The following GSN variants were observed in gnomAD, a reference collection of about 807,000 sequenced individuals.
The protein encoded by GSN is actin-depolymerizing factor.
In GSN, 56 loss-of-function variants were observed where a neutral mutation model predicts 85.7. The ratio of observed to expected loss-of-function variants is 0.65; its 90% confidence interval spans 0.53 to 0.82. The LOEUF is 0.82. GSN is among the 40% of genes least tolerant of loss of function. GSN has a pLI of 0.00. For synonymous variants in GSN, 373 were observed against 399.1 expected (o/e 0.93, Z 0.78); for missense variants, 857 against 979.8 (o/e 0.87, Z 1.67).
rs2054649830 is a variant in GSN, at chr9:121,243,774, C to T, written c.-388-4502C>T. On this transcript the variant is annotated intron_variant, in intron 5 of 24. Transcript: ENST00000373823. ...TGTATTTTTAGAAGAAACAGGGTTTCACCAGGTTGGCCGGGCTGGTCTTGA... is the reference window on the plus strand; with the variant it reads ...TGTATTTTTAGAAGAAACAGGGTTTTACCAGGTTGGCCGGGCTGGTCTTGA... Among the ~76,000 whole-genome samples the T allele has an allele frequency of 3.9e-5, 6 of 152,256 alleles. 1 individual carries two copies. The South Asian group carries it at 1.2e-3, about 32-fold the overall frequency.
intron 4 of GSN, among the ~76,000 whole-genome samples, chr9:121,216,929 T>G (rs929914935): frequency 4.6e-5 from 7 of 152,254 alleles, no homozygotes; most frequent in African/African-American, 1.7e-4. Flanking sequence ...ACTGTCTTCT[T>G]CCTGTGTCTT....
chr9:121,266,244 T>G (rs1246257175), upstream of GSN, among the ~76,000 whole-genome samples: 1 of 152,242 alleles, frequency 6.6e-6, no homozygotes, highest in Admixed American at 6.5e-5. Flanking sequence ...TTCTCCAATG[T>G]TTCCTCCATC....
chr9:121,287,972 G>C (rs138742467), intron 2 of GSN, among the ~76,000 whole-genome samples: 1 of 152,006 alleles, frequency 6.6e-6, no homozygotes, highest in African/African-American at 2.4e-5. Context: ...TGTCACCCAG[G>C]CTGGAGTGCA....
Position 121,261,056 on chromosome 9 carries a change from G to T in GSN, c.-340-4098G>T, listed in dbSNP as rs770012936. 2.0e-5 allele frequency among the ~76,000 whole-genome samples: 3 copies of T among 152,206 alleles called. No individual in the cohort carries two copies. Among genetic ancestry groups the T allele is most frequent in the Non-Finnish European group, 4.4e-5 (3 of 68,026 alleles). ...AACTCCAAGAAACAGCACAACATTT[G>T]AAAAGCCCATTGTTCGGTGTTGTGA... On this transcript the variant is annotated intron_variant, in intron 6 of 24. Transcript: ENST00000373823. This position sits in a 1 kb window ranked among gnomAD's most constrained non-coding sequence, Gnocchi z 4.1.
intron 13 of GSN, 149 bp from the exon 14 acceptor site, chr9:121,327,159 G>A (rs1480482032): frequency 2.5e-6 from 2 of 784,726 alleles, no homozygotes; most frequent in Non-Finnish European, 4.7e-6. Context: ...GGCCATCAGG[G>A]TCCAAAGTCT....
intron 17 of GSN, 101 bp downstream of exon 17, chr9:121,331,549 G>A: frequency 1.4e-6 from 1 of 732,590 alleles, no homozygotes; most frequent in South Asian, 1.5e-5. Context: ...CTTTCCAGGG[G>A]ACTGATGGAC....
intron 1 of GSN, among the ~76,000 whole-genome samples, chr9:121,208,506 A>C (rs2053919530): frequency 6.6e-6 from 1 of 152,234 alleles, no homozygotes; most frequent in South Asian, 2.1e-4. Context: ...GCTTGAAGGC[A>C]GCAAGATGTA....
At chr9:121,230,116 G>A (rs2054358272) in intron 4 of GSN, among the ~76,000 whole-genome samples, 1 of 152,202 alleles carries the variant, frequency 6.6e-6, no homozygotes, top group South Asian at 2.1e-4. Flanking sequence ...TGTTTGTCCA[G>A]TGTGAGCTGC....
Position 121,310,637 on chromosome 9 carries a change from C to G in GSN, c.352-47C>G, listed in dbSNP as rs931566739. On this transcript the variant is annotated intron_variant, in intron 4 of 17. Coordinates refer to ENST00000432226, the MANE Select transcript of GSN (RefSeq NM_198252.3). Reference sequence around the variant, plus strand: ...CTGTCCCCTTCTTCCATATCTGCTTCCCTGGGCCTTCTCCCCTGGGCTAAT... The same window carrying G: ...CTGTCCCCTTCTTCCATATCTGCTTGCCTGGGCCTTCTCCCCTGGGCTAAT... 2.5e-6 allele frequency: 4 copies of G among 1,596,340 alleles called. No homozygotes were observed. In the African/African-American group the frequency reaches 5.4e-5, roughly 21 times the overall value.
intron 4 of GSN, among the ~76,000 whole-genome samples, chr9:121,221,015 A>G (rs1012407949): frequency 3.3e-5 from 5 of 152,190 alleles, no homozygotes; most frequent in African/African-American, 1.2e-4. Flanking sequence ...AGGCTTGGGA[A>G]CAGTGTACGT....
In GSN at chr9:121,318,948, C is replaced by T; in HGVS notation, c.1191+68C>T. 1 of 1,259,288 alleles carries T rather than the reference C, an allele frequency of 7.9e-7. No homozygotes were observed. The allele number at this position is 1,259,288 out of a possible 1,614,324, so 78.0% of individuals were successfully genotyped here. A position where few individuals can be genotyped will look rare whatever the true frequency, so the allele number is the denominator to read the frequency against. ...CACTTTCCCCATGCACTGCCTCTTG[C>T]TTCCCCAAGGAGGTTTCTCTCTGAG... On this transcript the variant is annotated intron_variant, in intron 10 of 17. Coordinates refer to ENST00000432226, the MANE Select transcript of GSN (RefSeq NM_198252.3). This position sits in a 1 kb window ranked among gnomAD's most constrained non-coding sequence, Gnocchi z 4.3.
At chr9:121,228,722 G>T (rs1409721319) in intron 4 of GSN, among the ~76,000 whole-genome samples, 1 of 151,974 alleles carries the variant, frequency 6.6e-6, no homozygotes, top group Non-Finnish European at 1.5e-5. Flanking sequence ...ACTGTGCCCG[G>T]CCCTTAGCCC....
intron 2 of GSN, among the ~76,000 whole-genome samples, chr9:121,297,615 C>T (rs2059342256): frequency 6.6e-6 from 1 of 152,144 alleles, no homozygotes; most frequent in Non-Finnish European, 1.5e-5. Context: ...TATACTATAG[C>T]CATTGTTGTG....
intron 3 of GSN, among the ~76,000 whole-genome samples, chr9:121,302,434 A>T (rs2059984800): frequency 2.0e-5 from 3 of 152,110 alleles, no homozygotes; most frequent in Admixed American, 2.0e-4. Flanking sequence ...CCTCACAGGA[A>T]TGTTGTGAGC....
At chr9:121,322,172 T>C (rs2062555867) in intron 11 of GSN, among the ~76,000 whole-genome samples, 1 of 152,118 alleles carries the variant, frequency 6.6e-6, no homozygotes, top group East Asian at 1.9e-4. Context: ...CCCCACCCCT[T>C]CTTGGGTAAC....
Position 121,318,450 on chromosome 9 carries a change from G to A in GSN, c.931G>A (p.Ala311Thr). 1 of 1,614,150 alleles carries A rather than the reference G, an allele frequency of 6.2e-7. No homozygotes were observed. ...TEERKAALKT[A>T]SDFITKMDYP... ...GGAGAGGAAGGCTGCCCTCAAAACA[G>A]CCTCTGACTTCATCACCAAGATGGA... Residue 311 changes from alanine (A) to threonine (T), a missense_variant, in exon 9 of 18, where the codon GCC becomes ACC. Coordinates refer to ENST00000432226, the MANE Select transcript of GSN (RefSeq NM_198252.3). The surrounding 1 kb of genome is among the most constrained non-coding windows in gnomAD (Gnocchi z 4.3).
intron 4 of GSN, among the ~76,000 whole-genome samples, chr9:121,303,414 C>T (rs1407550341): frequency 6.6e-6 from 1 of 152,328 alleles, no homozygotes; most frequent in Non-Finnish European, 1.5e-5. Context: ...TAGTCCTGTT[C>T]TGGTACCCCT....
Position 121,318,656 on chromosome 9 carries a change from C to T in GSN, c.976-9C>T. 6.2e-7 allele frequency: 1 copy of T among 1,605,280 alleles called. No homozygotes were observed. Among genetic ancestry groups the T allele is most frequent in the Non-Finnish European group, 8.5e-7 (1 of 1,171,918 alleles). ...AGCCACATCCTGCTCCTCTGCCTCC[C>T]CTCCCCAGGTCTCGGTCCTTCCTGA... is the stretch of plus-strand genomic sequence containing the variant. On this transcript the variant is annotated splice_polypyrimidine_tract_variant and intron_variant, in intron 9 of 17. Transcript: ENST00000432226. The surrounding 1 kb of genome is among the most constrained non-coding windows in gnomAD (Gnocchi z 4.3).
intron 6 of GSN, among the ~76,000 whole-genome samples, chr9:121,252,467 C>G (rs1453627996): frequency 6.6e-6 from 1 of 152,226 alleles, no homozygotes; most frequent in African/African-American, 2.4e-5. Context: ...GAGACATTTA[C>G]TGTTCACCAA....
Sources: gnomAD v4.1 joint callset for allele counts (sites outside exome capture counted in the v4.1 genomes callset) on GRCh38, gnomAD v4.1.1 for gene constraint, Gnocchi (gnomAD v3.1) non-coding constraint, MANE v1.5 for transcripts, NCBI Gene and HGNC (gene_info 2026-07-23, HGNC 2026-07-21) for gene names.